Variants in THEMIS observed in about 807,000 individuals in gnomAD.
THEMIS encodes the protein protein THEMIS.
THEMIS carries 37 observed loss-of-function variants against 52.6 expected under a neutral mutation model. The observed-to-expected ratio is 0.70, with a 90% CI of 0.54 to 0.93. The LOEUF is 0.93. Among genes scored for constraint, THEMIS ranks in the 40% least tolerant of loss-of-function variants. The pLI is 0.00. For missense variants in THEMIS, 808 were observed against 763.1 expected (o/e 1.06, Z -0.69); for synonymous variants, 292 against 272.7 (o/e 1.07, Z -0.70).
chr6:127,774,494 T>A (rs1037154916), intron 4 of THEMIS, among the ~76,000 whole-genome samples: 2 of 152,186 alleles, frequency 1.3e-5, no homozygotes, highest in Non-Finnish European at 2.9e-5. Flanking sequence ...CGTGAGCCAC[T>A]GCGCCCGGCC....
At chr6:127,856,473 A>T (rs1398278309) in intron 1 of THEMIS, among the ~76,000 whole-genome samples, 1 of 151,944 alleles carries the variant, frequency 6.6e-6, no homozygotes, top group East Asian at 1.9e-4. Context: ...CTCCATAGGC[A>T]TCCCATTAGC....
At chr6:127,728,883 A>G (rs1177095140) in intron 4 of THEMIS, among the ~76,000 whole-genome samples, 1 of 152,206 alleles carries the variant, frequency 6.6e-6, no homozygotes, top group African/African-American at 2.4e-5. Context: ...TTGAGCAAAG[A>G]TTTAAATGAG....
intron 4 of THEMIS, among the ~76,000 whole-genome samples, chr6:127,797,770 T>C (rs937654471): frequency 1.3e-5 from 2 of 152,242 alleles, no homozygotes. Context: ...AACTTCTCAA[T>C]GTTTCTCTAA....
At chr6:127,749,808 G>A (rs1176106489) in intron 4 of THEMIS, among the ~76,000 whole-genome samples, 1 of 151,302 alleles carries the variant, frequency 6.6e-6, no homozygotes, top group Admixed American at 6.6e-5. Context: ...GTTTATTAGA[G>A]CAAAATACAT....
chr6:127,840,179 T>A (rs907798449), intron 2 of THEMIS, among the ~76,000 whole-genome samples: 12 of 152,088 alleles, frequency 7.9e-5, no homozygotes, highest in African/African-American at 2.4e-4. Flanking sequence ...ACATTTTTAC[T>A]TCTATGTATA....
At chr6:127,883,693 A>G (rs1451736457) in intron 1 of THEMIS, among the ~76,000 whole-genome samples, 1 of 152,098 alleles carries the variant, frequency 6.6e-6, no homozygotes, top group South Asian at 2.1e-4. Flanking sequence ...TCAGTACAGT[A>G]TCAATGTGTT....
intron 3 of THEMIS, among the ~76,000 whole-genome samples, chr6:127,828,310 C>G (rs548038301): frequency 6.6e-6 from 1 of 152,208 alleles, no homozygotes; most frequent in Non-Finnish European, 1.5e-5. Context: ...TTACTCATCT[C>G]AACTGCACAT....
At chr6:127,818,444 A>G (rs566922672) in intron 3 of THEMIS, among the ~76,000 whole-genome samples, 3 of 152,212 alleles carry the variant, frequency 2.0e-5, no homozygotes, top group Non-Finnish European at 4.4e-5. Flanking sequence ...AGAAAGCACT[A>G]CATGAAAATG....
At chr6:127,733,796 A>G (rs1364790569) in intron 4 of THEMIS, among the ~76,000 whole-genome samples, 1 of 152,190 alleles carries the variant, frequency 6.6e-6, no homozygotes, top group Non-Finnish European at 1.5e-5. Flanking sequence ...CAGACAAAAC[A>G]ATCCTAGAAC....
At chr6:127,903,345 T>A (rs1781191649), upstream of THEMIS, among the ~76,000 whole-genome samples, 1 of 151,956 alleles carries the variant, frequency 6.6e-6, no homozygotes, top group South Asian at 2.1e-4. Context: ...GTAAAATGAA[T>A]TATTGAAGTT....
the THEMIS span, among the ~76,000 whole-genome samples, chr6:127,699,314 T>A: frequency 6.6e-6 from 1 of 151,884 alleles, no homozygotes; most frequent in Non-Finnish European, 1.5e-5. Context: ...TTTCTATGTT[T>A]GTATAACTTC....
At chr6:127,855,735 T>C (rs1361603537) in intron 1 of THEMIS, among the ~76,000 whole-genome samples, 1 of 152,000 alleles carries the variant, frequency 6.6e-6, no homozygotes, top group African/African-American at 2.4e-5. Flanking sequence ...GAAACCATTC[T>C]GAGTATCTTT....
At chr6:127,885,327 A>G (rs1184730454) in intron 1 of THEMIS, among the ~76,000 whole-genome samples, 1 of 152,008 alleles carries the variant, frequency 6.6e-6, no homozygotes, top group Non-Finnish European at 1.5e-5. Flanking sequence ...GTTATCTTCT[A>G]TTTGGGCTTC....
chr6:127,810,401 G>GT (rs1465062614), intron 4 of THEMIS, among the ~76,000 whole-genome samples: 1 of 152,088 alleles, frequency 6.6e-6, no homozygotes, highest in Non-Finnish European at 1.5e-5. Flanking sequence ...ACACAACATT[G>GT]TTGGAAGGTG....
Position 127,787,920 on chromosome 6 carries a change from A to ATAGATAGATAG in THEMIS, c.1758+24962_1758+24963insCTATCTATCTA, listed in dbSNP as rs1562258195. On this transcript the variant is annotated intron_variant, in intron 4 of 5. Transcript: ENST00000368248. ...AGATAGATAGATAGATAGATAGATAAATAGATGCTCTTCTGGTAATAAACA... is the reference window on the plus strand; with the variant it reads ...AGATAGATAGATAGATAGATAGATAATAGATAGATAGATAGATGCTCTTCTGGTAATAAACA... Among the ~76,000 whole-genome samples the ATAGATAGATAG allele has an allele frequency of 6.1e-3, 827 of 135,448 alleles. 5 individuals carry two copies. Among genetic ancestry groups the ATAGATAGATAG allele is most frequent in the Non-Finnish European group, 8.3e-3 (518 of 62,618 alleles). 88.9% of individuals were successfully genotyped at this position (135,448 alleles called of 152,430 possible).
At chr6:127,701,481 TA>T in the THEMIS span, among the ~76,000 whole-genome samples, 2 of 152,152 alleles carry the variant, frequency 1.3e-5, no homozygotes, top group Non-Finnish European at 2.9e-5. Context: ...CTACTTTGAA[TA>T]AAGTTATTAG....
chr6:127,755,705 A>G (rs1448886029), intron 4 of THEMIS, among the ~76,000 whole-genome samples: 1 of 152,098 alleles, frequency 6.6e-6, no homozygotes, highest in African/African-American at 2.4e-5. Context: ...TTTTGTTTTT[A>G]TAAAAAAGGG....
chr6:127,812,582 G>A lies in THEMIS; in HGVS notation c.1758+301C>T, dbSNP rs181359903. ...TAAAATAAAAGAGGTTTGCTTCTAA[G>A]GCACTTTATAAAATATTCTTAATTA... On this transcript the variant is annotated intron_variant, in intron 4 of 5. Coordinates refer to ENST00000368248, the MANE Select transcript of THEMIS (RefSeq NM_001010923.3). Among the ~76,000 whole-genome samples the A allele has an allele frequency of 1.8e-4, 27 of 152,226 alleles. 1 individual carries two copies. The East Asian group carries it at 3.7e-3, about 21-fold the overall frequency.
the THEMIS span, among the ~76,000 whole-genome samples, chr6:127,698,550 T>G: frequency 1.2e-4 from 18 of 152,088 alleles, no homozygotes; most frequent in African/African-American, 3.9e-4. Flanking sequence ...AAAAAACCTG[T>G]GAGTTTTCTC....
Sources: gnomAD v4.1 joint callset for allele counts (sites outside exome capture counted in the v4.1 genomes callset) on GRCh38, gnomAD v4.1.1 for gene constraint, MANE v1.5 for transcripts, NCBI Gene and HGNC (gene_info 2026-07-23, HGNC 2026-07-21) for gene names.